TMED1: variants seen among roughly 807,000 people sequenced by gnomAD.
TMED1 encodes transmembrane p24 trafficking protein 1.
TMED1 carries 20 observed loss-of-function variants against 21.2 expected under a neutral mutation model. The observed-to-expected ratio is 0.95, with a 90% CI of 0.67 to 1.37. The LOEUF is 1.37. Among genes scored for constraint, TMED1 ranks in the 40% most tolerant of loss-of-function variants. The pLI is 0.00. For synonymous variants in TMED1, 149 were observed against 134.7 expected (o/e 1.11, Z -0.74); for missense variants, 316 against 309.8 (o/e 1.02, Z -0.15).
chr19:10,836,035 T>G lies in TMED1; in HGVS notation c.157A>C (p.Asn53His). 1 of 1,595,618 alleles carries G rather than the reference T, an allele frequency of 6.3e-7. No homozygotes were observed. ...KQCFYQSAPA[N>H]ASLETEYQVI... ...TGGTATTCGGTCTCGAGGCTTGCGTTGGCCGGCGCGGACTGGTAGAAACAC... is the reference window on the plus strand; with the variant it reads ...TGGTATTCGGTCTCGAGGCTTGCGTGGGCCGGCGCGGACTGGTAGAAACAC... The change falls in exon 1 of 4, where the codon AAC becomes CAC. Residue 53 changes from asparagine (N) to histidine (H), a missense_variant. Transcript: ENST00000214869.
chr19:10,835,194 G>A (rs2073412442), intron 2 of TMED1, 62 bp downstream of exon 2: 1 of 1,612,464 alleles, frequency 6.2e-7, no homozygotes. Context: ...GCGGTAACCT[G>A]AGGCCGCCTG....
chr19:10,835,922 C>G (rs1249991619), intron 1 of TMED1, 87 bp downstream of exon 1: 21 of 1,471,022 alleles, frequency 1.4e-5, no homozygotes, highest in Non-Finnish European at 1.9e-5. Flanking sequence ...ATTCCTCCCC[C>G]TTCCTCCTAA....
intron 2 of TMED1, 47 bp downstream of exon 2, chr19:10,835,209 G>A: frequency 1.2e-6 from 2 of 1,613,240 alleles, no homozygotes; most frequent in Non-Finnish European, 1.7e-6. Flanking sequence ...CGCCTGGGAA[G>A]GGCAGGGCTG....
chr19:10,834,156 T>A (rs2073396007), intron 3 of TMED1, among the ~76,000 whole-genome samples: 1 of 152,116 alleles, frequency 6.6e-6, no homozygotes, highest in Non-Finnish European at 1.5e-5. Flanking sequence ...AGAGATCTGT[T>A]AGAAAATAAA....
rs1455664938 is a variant in TMED1, at chr19:10,836,011, G to A, written c.181C>T (p.Gln61Ter). 1 of 1,591,086 alleles carries A rather than the reference G, an allele frequency of 6.3e-7. No homozygotes were observed. Among genetic ancestry groups the A allele is most frequent in the South Asian group, 1.1e-5 (1 of 87,906 alleles). Residue 61 changes from glutamine to a stop codon, truncating the protein, a stop_gained and splice_region_variant, in exon 1 of 4, where the codon CAG (glutamine) becomes TAG (stop). Coordinates refer to ENST00000214869, the MANE Select transcript of TMED1 (RefSeq NM_006858.4). LOFTEE classifies it high-confidence loss of function. Reference protein sequence around the residue: ...PANASLETEYQVIGGAGLDVD... With the variant: ...PANASLETEY ...CCGCCCAGCCCGCGACCCTCTACCT[G>A]GTATTCGGTCTCGAGGCTTGCGTTG...
chr19:10,833,690 G>C (rs2073390624), intron 3 of TMED1, among the ~76,000 whole-genome samples: 1 of 152,102 alleles, frequency 6.6e-6, no homozygotes, highest in African/African-American at 2.4e-5. Flanking sequence ...AACACAGGAG[G>C]ATCACTTAAA....
rs975190871 is a variant in TMED1, at chr19:10,832,839, G to A, written c.*156C>T. On this transcript the variant is annotated 3_prime_UTR_variant, in exon 4 of 4. Coordinates refer to ENST00000214869, the MANE Select transcript of TMED1 (RefSeq NM_006858.4). Reference sequence around the variant, plus strand: ...TACAAGCCAGAGGTGTTCCCTGCCCGCTGAGGACGGAAGGAGACTCATGGG... The same window carrying A: ...TACAAGCCAGAGGTGTTCCCTGCCCACTGAGGACGGAAGGAGACTCATGGG... The A allele has an allele frequency of 6.8e-5, 54 of 796,806 alleles. No individual in the cohort carries two copies. Among genetic ancestry groups the A allele is most frequent in the African/African-American group, 5.9e-4 (34 of 57,986 alleles). The allele number at this position is 796,806 out of a possible 1,614,324, so 49.4% of individuals were successfully genotyped here.
At chr19:10,835,732 C>T in intron 1 of TMED1, 1 of 1,409,464 alleles carries the variant, frequency 7.1e-7, no homozygotes, top group Non-Finnish European at 9.2e-7. Flanking sequence ...ATCGCCACGC[C>T]CACCAGCCAG....
chr19:10,832,969 T>C lies in TMED1; in HGVS notation c.*26A>G, dbSNP rs1382138345. 1.9e-6 allele frequency: 3 copies of C among 1,606,628 alleles called. No homozygotes were observed. The Admixed American group carries it at 5.0e-5, about 27-fold the overall frequency. ...CACACACCCTGCTGCCCCTCCTTTGTCCCGTTCTTCCTTCCATGGCAGGGG... is the reference window on the plus strand; with the variant it reads ...CACACACCCTGCTGCCCCTCCTTTGCCCCGTTCTTCCTTCCATGGCAGGGG... On this transcript the variant is annotated 3_prime_UTR_variant, in exon 4 of 4. Coordinates refer to ENST00000214869, the MANE Select transcript of TMED1 (RefSeq NM_006858.4).
chr19:10,835,196 G>A, intron 2 of TMED1, 60 bp downstream of exon 2: 1 of 1,612,228 alleles, frequency 6.2e-7, no homozygotes, highest in South Asian at 1.1e-5. Flanking sequence ...GGTAACCTGA[G>A]GCCGCCTGGG....
At position 10,833,060 on chromosome 19, in the gene TMED1, C is replaced by T. The variant is rs1428913387; in HGVS notation, c.619G>A (p.Val207Met). The change falls in exon 4 of 4, where the codon GTG becomes ATG. Residue 207 changes from valine to methionine, a missense_variant. Coordinates refer to ENST00000214869, the MANE Select transcript of TMED1 (RefSeq NM_006858.4). Reference protein sequence around the residue: ...SAVNVAVLLLVAVLQVCTLKR... With the variant: ...SAVNVAVLLLMAVLQVCTLKR... Reference sequence around the variant, plus strand: ...AGCGTGCAGACCTGCAGCACAGCCACCAGCAGCAGCACCGCCACGTTGACA... The same window carrying T: ...AGCGTGCAGACCTGCAGCACAGCCATCAGCAGCAGCACCGCCACGTTGACA... The T allele has an allele frequency of 6.2e-7, 1 of 1,613,966 alleles. No individual in the cohort carries two copies. The highest frequency in any genetic ancestry group is 8.5e-7 in the Non-Finnish European group (1 of 1,180,046).
chr19:10,833,589 C>G (rs2073389214), intron 3 of TMED1: 1 of 234,724 alleles, frequency 4.3e-6, no homozygotes, highest in South Asian at 6.3e-5. Flanking sequence ...TGGCAAAACC[C>G]CATCTCTACA....
In TMED1 at chr19:10,833,017, T is replaced by C; in HGVS notation, c.662A>G (p.Asp221Gly). 6.2e-7 allele frequency: 1 copy of C among 1,613,440 alleles called. No homozygotes were observed. Among genetic ancestry groups the C allele is most frequent in the Non-Finnish European group, 8.5e-7 (1 of 1,180,026 alleles). Residue 221 changes from aspartate (D) to glycine (G), a missense_variant, in exon 4 of 4, where the codon GAC becomes GGC. Transcript: ENST00000214869. ...GGGCTACGTGGGCACCGGGCGCTTG[T>C]CCTGGAAGAAGCGCTTGAGCGTGCA... ...QVCTLKRFFQ[D>G]KRPVPT
intron 3 of TMED1, 108 bp downstream of exon 3, chr19:10,834,826 C>T (rs1378381017): frequency 7.8e-7 from 1 of 1,278,936 alleles, no homozygotes; most frequent in Non-Finnish European, 1.1e-6. Context: ...TACTATAATT[C>T]AGTTGGAGGG....
chr19:10,835,072 G>A lies in TMED1; in HGVS notation c.327C>T (p.Asn109=). Residue 109 remains asparagine (N), a synonymous_variant, in exon 3 of 4, where the codon AAC becomes AAT. Coordinates refer to ENST00000214869, the MANE Select transcript of TMED1 (RefSeq NM_006858.4). ...EAGDYKLCFD[N]SFSTISEKLV... is the part of the protein sequence containing the mutation. ...GCTTCTCGGAGATGGTGCTGAAGGA[G>A]TTGTCAAAGCACAGCTTGTAGTCCC... is the stretch of plus-strand genomic sequence containing the variant. 1 of 1,614,250 alleles carries A rather than the reference G, an allele frequency of 6.2e-7. No homozygotes were observed. Among genetic ancestry groups the A allele is most frequent in the Non-Finnish European group, 8.5e-7 (1 of 1,180,044 alleles).
intron 3 of TMED1, among the ~76,000 whole-genome samples, chr19:10,834,246 G>T (rs1384485739): frequency 6.6e-6 from 1 of 152,186 alleles, no homozygotes; most frequent in Non-Finnish European, 1.5e-5. Context: ...GCTGAAACCA[G>T]CATGGGTTCA....
Position 10,835,947 on chromosome 19 carries a change from C to G in TMED1, c.183+62G>C, listed in dbSNP as rs371333468. 75 of 1,499,272 alleles carry G rather than the reference C, an allele frequency of 5.0e-5. 2 individuals are homozygous for G. The African/African-American group carries it at 8.0e-4, about 16-fold the overall frequency. The allele number at this position is 1,499,272 out of a possible 1,614,324, so 92.9% of individuals were successfully genotyped here. A position where few individuals can be genotyped will look rare whatever the true frequency, so the allele number is the denominator to read the frequency against. On this transcript the variant is annotated intron_variant, in intron 1 of 3. Coordinates refer to ENST00000214869, the MANE Select transcript of TMED1 (RefSeq NM_006858.4). ...CTTCCTCCTAAAGCGCGCCTCGCCT[C>G]GACCGCTTGGCCACGCCCCCTCTCC...
At chr19:10,835,437 A>T in intron 1 of TMED1, 84 bp from the exon 2 acceptor site, 1 of 1,579,672 alleles carries the variant, frequency 6.3e-7, no homozygotes, top group Non-Finnish European at 8.6e-7. Context: ...ACCAACACTG[A>T]TCAATACAGA....
chr19:10,833,256 C>G, intron 3 of TMED1, 43 bp from the exon 4 acceptor site: 1 of 1,545,428 alleles, frequency 6.5e-7, no homozygotes, highest in Admixed American at 1.9e-5. Flanking sequence ...TCCCTCCACC[C>G]ATCAGGGAGC....
Sources: gnomAD v4.1 joint callset for allele counts (sites outside exome capture counted in the v4.1 genomes callset) on GRCh38, gnomAD v4.1.1 for gene constraint, MANE v1.5 for transcripts, NCBI Gene and HGNC (gene_info 2026-07-23, HGNC 2026-07-21) for gene names.